The following RPRD2 variants were observed in gnomAD, a reference collection of about 807,000 sequenced individuals.
The protein encoded by RPRD2 is regulation of nuclear pre-mRNA domain containing 2.
In RPRD2, 12 loss-of-function variants were observed where a neutral mutation model predicts 104.4. That is an observed-to-expected ratio of 0.11 (90% confidence interval 0.07 to 0.19). The LOEUF (loss-of-function observed/expected upper bound fraction) is 0.19, where lower values mean the gene tolerates loss of function less well. RPRD2 is among the 10% of genes least tolerant of loss of function. RPRD2 has a pLI of 1.00. For synonymous variants in RPRD2, 714 were observed against 684.9 expected (o/e 1.04, Z -0.66); for missense variants, 1,543 against 1,790.1 (o/e 0.86, Z 2.49).
chr1:150,438,125 A>AT (rs1324931207), intron 2 of RPRD2, among the ~76,000 whole-genome samples: 13 of 151,160 alleles, frequency 8.6e-5, no homozygotes, highest in African/African-American at 2.7e-4. Context: ...CAACTAAAAA[A>AT]ATATATATAC....
chr1:150,424,597 A>C (rs1664988160), intron 2 of RPRD2, among the ~76,000 whole-genome samples: 1 of 151,966 alleles, frequency 6.6e-6, no homozygotes, highest in Non-Finnish European at 1.5e-5. Flanking sequence ...AGATTTTATT[A>C]TTTCTTTCTA....
chr1:150,440,639 C>T (rs1284226846), intron 2 of RPRD2, among the ~76,000 whole-genome samples: 1 of 152,158 alleles, frequency 6.6e-6, no homozygotes, highest in East Asian at 1.9e-4. Flanking sequence ...CTGCACATTC[C>T]CAGCCCTCTC....
chr1:150,369,474 T>G (rs1660114837), intron 1 of RPRD2, among the ~76,000 whole-genome samples: 1 of 100,832 alleles, frequency 9.9e-6, no homozygotes, highest in South Asian at 3.3e-4. Context: ...TTTTTTTTTT[T>G]GAGACGGAGT....
chr1:150,375,209 C>G (rs1301645910), intron 1 of RPRD2, among the ~76,000 whole-genome samples: 2 of 152,154 alleles, frequency 1.3e-5, no homozygotes, highest in East Asian at 3.8e-4. Flanking sequence ...TGCTTAGTCT[C>G]TTACAGCAGA....
chr1:150,459,918 A>G (rs1165401658), intron 8 of RPRD2, 142 bp from the exon 9 acceptor site: 12 of 726,424 alleles, frequency 1.7e-5, no homozygotes, highest in Non-Finnish European at 2.7e-5. Context: ...GACTTTTTCA[A>G]AAAAGCATGA....
At chr1:150,400,841 T>C (rs1383261743) in intron 1 of RPRD2, among the ~76,000 whole-genome samples, 1 of 152,124 alleles carries the variant, frequency 6.6e-6, no homozygotes, top group African/African-American at 2.4e-5. Context: ...TTATCATAAA[T>C]GAATGTGGAA....
At chr1:150,409,829 G>A (rs184314378) in intron 1 of RPRD2, among the ~76,000 whole-genome samples, 16 of 152,080 alleles carry the variant, frequency 1.1e-4, no homozygotes, top group African/African-American at 3.9e-4. Context: ...ATTTTTAGTA[G>A]AGAGGGGGTT....
chr1:150,438,311 C>A (rs1666161307), intron 2 of RPRD2, among the ~76,000 whole-genome samples: 1 of 150,282 alleles, frequency 6.7e-6, no homozygotes, highest in Non-Finnish European at 1.5e-5. Flanking sequence ...GAAAAAAAGT[C>A]ATGCGTTGCT....
intron 1 of RPRD2, among the ~76,000 whole-genome samples, chr1:150,397,818 C>CT (rs1358758318): frequency 6.6e-6 from 1 of 151,994 alleles, no homozygotes; most frequent in Non-Finnish European, 1.5e-5. Context: ...GCCATCTCCG[C>CT]TCACTGCAGC....
At chr1:150,419,312 T>C (rs1664593392) in intron 2 of RPRD2, among the ~76,000 whole-genome samples, 1 of 152,188 alleles carries the variant, frequency 6.6e-6, no homozygotes, top group Non-Finnish European at 1.5e-5. Context: ...TATATATTTA[T>C]TATCATTGAC....
chr1:150,433,724 G>GT (rs1187355995), intron 2 of RPRD2, among the ~76,000 whole-genome samples: 19 of 98,624 alleles, frequency 1.9e-4, no homozygotes, highest in South Asian at 2.4e-4. Flanking sequence ...GATTACCATA[G>GT]TTTTTTTTTT....
At chr1:150,437,419 A>G (rs1363183551) in intron 2 of RPRD2, among the ~76,000 whole-genome samples, 1 of 152,196 alleles carries the variant, frequency 6.6e-6, no homozygotes, top group Non-Finnish European at 1.5e-5. Context: ...AAGACCCTCC[A>G]CCAGCAAAAA....
At chr1:150,364,983 C>A in intron 1 of RPRD2, 64 bp downstream of exon 1, 2 of 1,535,168 alleles carry the variant, frequency 1.3e-6, no homozygotes, top group Non-Finnish European at 1.8e-6. Flanking sequence ...TGGCCTGAAA[C>A]GCTTGGGGTT....
rs1161360091 is a variant in RPRD2, at chr1:150,474,648, A to G, written c.*1314A>G. 1.3e-5 allele frequency: 2 copies of G among 152,144 alleles called. No homozygotes were observed. Among genetic ancestry groups the G allele is most frequent in the Non-Finnish European group, 2.9e-5 (2 of 68,030 alleles). 9.4% of individuals were successfully genotyped at this position (152,144 alleles called of 1,614,324 possible). A position where few individuals can be genotyped will look rare whatever the true frequency, so the allele number is the denominator to read the frequency against. On this transcript the variant is annotated 3_prime_UTR_variant, in exon 11 of 11. Transcript: ENST00000369068. ...CAATCACTGTACTTTGAGTGTTTAT[A>G]TCTTTATATCTAGGGACACTGAAAA...
intron 1 of RPRD2, among the ~76,000 whole-genome samples, chr1:150,390,231 C>T (rs1311069113): frequency 2.6e-5 from 4 of 152,170 alleles, no homozygotes; most frequent in Admixed American, 1.3e-4. Flanking sequence ...CAGTGGCTCA[C>T]GCCTGTAATC....
chr1:150,364,536 C>A lies in RPRD2; in HGVS notation c.-179C>A. ...AGCGTGTAGGAGCTGCCAGCGTGCC[C>A]AGCAGCTGGTGTTCCCGTCCGTACC... On this transcript the variant is annotated 5_prime_UTR_variant, in exon 1 of 11. Transcript: ENST00000369068. 1.8e-6 allele frequency: 1 copy of A among 559,216 alleles called. No individual in the cohort carries two copies. The highest frequency in any genetic ancestry group is 2.3e-5 in the South Asian group (1 of 42,770). 34.6% of individuals were successfully genotyped at this position (559,216 alleles called of 1,614,324 possible). A position where few individuals can be genotyped will look rare whatever the true frequency, so the allele number is the denominator to read the frequency against.
At chr1:150,420,477 A>G (rs1364740188) in intron 2 of RPRD2, among the ~76,000 whole-genome samples, 1 of 152,246 alleles carries the variant, frequency 6.6e-6, no homozygotes, top group Non-Finnish European at 1.5e-5. Context: ...GAAGTCCTTC[A>G]TTATCATTAC....
chr1:150,413,884 C>T (rs1664130076), intron 1 of RPRD2, among the ~76,000 whole-genome samples: 1 of 151,850 alleles, frequency 6.6e-6, no homozygotes, highest in Non-Finnish European at 1.5e-5. Context: ...GAGATCATGC[C>T]ATTGCGCTCC....
At chr1:150,436,296 C>A (rs587660184) in intron 2 of RPRD2, among the ~76,000 whole-genome samples, 1 of 152,304 alleles carries the variant, frequency 6.6e-6, no homozygotes, top group East Asian at 1.9e-4. Context: ...CCTTTCAATT[C>A]TTGTTGTTTA....
Sources: allele counts gnomAD v4.1 joint callset (sites outside exome capture counted in the v4.1 genomes callset), GRCh38; gene constraint gnomAD v4.1.1; transcripts MANE v1.5; gene names NCBI Gene and HGNC (gene_info 2026-07-23, HGNC 2026-07-21).